The following ESRRG variants were observed in gnomAD, a reference collection of about 807,000 sequenced individuals.
The protein encoded by ESRRG is estrogen related receptor gamma.
A neutral mutation model predicts 44.0 loss-of-function variants in ESRRG; 13 were observed. The observed-to-expected ratio is 0.30, with a 90% CI of 0.19 to 0.47. The LOEUF (loss-of-function observed/expected upper bound fraction) is 0.47. Among genes scored for constraint, ESRRG ranks in the 20% least tolerant of loss-of-function variants. ESRRG has a pLI of 1.00. For synonymous variants in ESRRG, 215 were observed against 214.6 expected, an observed-to-expected ratio of 1.00 and a Z score of -0.02; for missense variants, 395 against 580.6, an observed-to-expected ratio of 0.68 and a Z score of 3.29.
intron 1 of ESRRG, among the ~76,000 whole-genome samples, chr1:217,042,945 T>C (rs1272420491): frequency 6.6e-6 from 1 of 152,126 alleles, no homozygotes; most frequent in African/African-American, 2.4e-5. Context: ...TACTGTCTTC[T>C]CTGGGACAGG....
intron 3 of ESRRG, among the ~76,000 whole-genome samples, chr1:216,622,559 G>GT (rs2062422145): frequency 6.6e-6 from 1 of 151,286 alleles, no homozygotes; most frequent in African/African-American, 2.4e-5. Flanking sequence ...TAAGAGAAAG[G>GT]TATGTTTCTT....
At chr1:217,054,175 C>T (rs1226702255) in intron 1 of ESRRG, among the ~76,000 whole-genome samples, 1 of 152,150 alleles carries the variant, frequency 6.6e-6, no homozygotes, top group Non-Finnish European at 1.5e-5. Flanking sequence ...TAAGTTTGCA[C>T]TTAGCCATTT....
chr1:216,902,685 C>T (rs996639647), intron 2 of ESRRG, among the ~76,000 whole-genome samples: 2 of 152,088 alleles, frequency 1.3e-5, no homozygotes, highest in Admixed American at 6.6e-5. Context: ...GAGACTTCCA[C>T]CAGCTAAGGA....
intron 2 of ESRRG, among the ~76,000 whole-genome samples, chr1:216,859,509 C>A (rs2096012097): frequency 6.6e-6 from 1 of 152,142 alleles, no homozygotes; most frequent in African/African-American, 2.4e-5. Context: ...ACAGTGCATG[C>A]ATGCAAGGAA....
upstream of ESRRG, among the ~76,000 whole-genome samples, chr1:216,724,418 T>C (rs988657535): frequency 6.6e-6 from 1 of 151,734 alleles, no homozygotes; most frequent in African/African-American, 2.4e-5. Flanking sequence ...AAAGTATTCT[T>C]AATTATATGT....
chr1:216,810,262 T>C (rs1318132763), intron 2 of ESRRG, among the ~76,000 whole-genome samples: 1 of 152,146 alleles, frequency 6.6e-6, no homozygotes, highest in Non-Finnish European at 1.5e-5. Flanking sequence ...CGCTTGGCCC[T>C]TTTTTCTATG....
At chr1:216,581,851 G>A (rs910710756) in intron 3 of ESRRG, among the ~76,000 whole-genome samples, 14 of 152,300 alleles carry the variant, frequency 9.2e-5, no homozygotes, top group Admixed American at 5.2e-4. Flanking sequence ...AAAATCATCC[G>A]ATGTTTAAGT....
rs532698022 is a variant in ESRRG, at chr1:216,799,450, A to G, written c.-13-121959T>C. The stretch of plus-strand genomic sequence containing the variant: ...CCTCAGGATAGGAGGTGACGATTAT[A>G]ATCACTCAAGCAGGGAGGCACAATG... On this transcript the variant is annotated intron_variant, in intron 2 of 7. Transcript: ENST00000359162. Among the ~76,000 whole-genome samples, 7 of 149,806 alleles carry G rather than the reference A, an allele frequency of 4.7e-5. No individual in the cohort carries two copies. In the Admixed American group the frequency reaches 4.7e-4, roughly 10 times the overall value.
intron 1 of ESRRG, chr1:216,939,723 A>C (rs1259678633): frequency 6.6e-6 from 1 of 152,074 alleles, no homozygotes; most frequent in African/African-American, 2.4e-5. Flanking sequence ...AAAGGAAAAA[A>C]AAAAAAAAAA....
At position 216,677,383 on chromosome 1, in the gene ESRRG, G is replaced by A; in HGVS notation, c.165C>T (p.His55=). The A allele has an allele frequency of 1.9e-6, 3 of 1,614,174 alleles. No individual in the cohort carries two copies. In the South Asian group the frequency reaches 3.3e-5, roughly 18 times the overall value. The change falls in exon 2 of 7, where the codon CAC becomes CAT. Residue 55 remains histidine, a synonymous_variant. Coordinates refer to ENST00000408911, the MANE Select transcript of ESRRG (RefSeq NM_001438.4). The stretch of plus-strand genomic sequence containing the variant: ...CGTCTGAAGAGCCACCAGGGCTGTG[G>A]TGGTTGACGCTGTCCGTCAGGGAGG... ...SPASLTDSVN[H]HSPGGSSDAS...
At chr1:216,958,589 G>A (rs2068418599) in intron 1 of ESRRG, among the ~76,000 whole-genome samples, 1 of 152,100 alleles carries the variant, frequency 6.6e-6, no homozygotes, top group Non-Finnish European at 1.5e-5. Context: ...GTTTGTTCAA[G>A]TCTTTTGCCC....
rs911920915 is a variant in ESRRG, at chr1:216,823,256, C to T, written c.-14+116326G>A. Among the ~76,000 whole-genome samples, 3 of 151,938 alleles carry T rather than the reference C, an allele frequency of 2.0e-5. No individual in the cohort carries two copies. The East Asian group carries it at 5.8e-4, about 29-fold the overall frequency. On this transcript the variant is annotated intron_variant, in intron 2 of 7. Transcript: ENST00000359162. ...CTGGATGCAAAGACCTCTTTCAACT[C>T]TAATAGATAATTATTTTACTATTTA...
intron 2 of ESRRG, among the ~76,000 whole-genome samples, chr1:216,736,467 G>A (rs2089940089): frequency 6.6e-6 from 1 of 152,058 alleles, no homozygotes; most frequent in African/African-American, 2.4e-5. Context: ...ACAGGCGTGA[G>A]CCACCATGCC....
chr1:216,577,792 T>G (rs750661890), intron 3 of ESRRG, among the ~76,000 whole-genome samples: 5 of 151,652 alleles, frequency 3.3e-5, no homozygotes, highest in Non-Finnish European at 7.4e-5. Context: ...AAAAAGGAAA[T>G]AGATGGCAGA....
chr1:216,958,113 G>A (rs2068319742), intron 1 of ESRRG, among the ~76,000 whole-genome samples: 1 of 152,130 alleles, frequency 6.6e-6, no homozygotes, highest in East Asian at 1.9e-4. Flanking sequence ...AGTATTAATA[G>A]TTATATCATT....
intron 3 of ESRRG, among the ~76,000 whole-genome samples, chr1:216,634,003 A>G (rs1043485212): frequency 6.6e-6 from 1 of 152,204 alleles, no homozygotes; most frequent in Non-Finnish European, 1.5e-5. Flanking sequence ...ATTGATGACA[A>G]ATTACTGCAA....
At chr1:216,546,582 A>G (rs1378155595) in intron 5 of ESRRG, among the ~76,000 whole-genome samples, 2 of 152,040 alleles carry the variant, frequency 1.3e-5, no homozygotes, top group Non-Finnish European at 2.9e-5. Context: ...GGACTTTGCC[A>G]GTTATGTAGC....
chr1:217,078,217 C>G (rs1304084818), intron 1 of ESRRG: 1 of 152,190 alleles, frequency 6.6e-6, no homozygotes, highest in Non-Finnish European at 1.5e-5. Flanking sequence ...CAGCAGGGAG[C>G]CTGGCTCGGA....
intron 2 of ESRRG, among the ~76,000 whole-genome samples, chr1:216,913,214 C>T (rs2060710935): frequency 6.6e-6 from 1 of 150,978 alleles, no homozygotes; most frequent in African/African-American, 2.4e-5. Context: ...ACTTTTTTTC[C>T]TTGTCATTAC....
Sources: allele counts gnomAD v4.1 joint callset (sites outside exome capture counted in the v4.1 genomes callset), GRCh38; gene constraint gnomAD v4.1.1; transcripts MANE v1.5; gene names NCBI Gene and HGNC (gene_info 2026-07-23, HGNC 2026-07-21).